DLX2: variants seen among roughly 807,000 people sequenced by gnomAD.
DLX2 encodes the protein homeobox protein DLX-2.
In DLX2, 8 loss-of-function variants were observed where a neutral mutation model predicts 27.4. The ratio of observed to expected loss-of-function variants is 0.29; its 90% CI spans 0.17 to 0.53. DLX2 has a LOEUF of 0.53. Ranked by LOEUF, DLX2 falls within the 20% of genes least tolerant of loss-of-function variation. DLX2 has a pLI of 0.96. For synonymous variants in DLX2, 210 were observed against 200.8 expected (o/e 1.05, Z -0.39); for missense variants, 421 against 450.9 (o/e 0.93, Z 0.60).
At position 172,101,616 on chromosome 2, in the gene DLX2, A is replaced by G; in HGVS notation, c.431T>C (p.Ile144Thr). The G allele has an allele frequency of 6.2e-7, 1 of 1,614,222 alleles. No homozygotes were observed. Among genetic ancestry groups the G allele is most frequent in the Non-Finnish European group, 8.5e-7 (1 of 1,180,030 alleles). The change falls in exon 2 of 3, where the codon ATA becomes ACA. Residue 144 changes from isoleucine to threonine, a missense_variant. Ile to Thr is a moderately conservative substitution (Grantham distance 89). Transcript: ENST00000234198. The part of the protein sequence containing the change: ...EKEDLEPEIR[I>T]VNGKPKKVRK... ...GACTTTCTTTGGCTTCCCGTTCACT[A>G]TCCGAATTTCAGGCTCAAGGTCCTC...
At position 172,100,903 on chromosome 2, in the gene DLX2, C is replaced by T. The variant is rs1373237175; in HGVS notation, c.627G>A (p.Lys209=). 4 of 1,612,890 alleles carry T rather than the reference C, an allele frequency of 2.5e-6. No individual in the cohort carries two copies. The East Asian group carries it at 6.7e-5, about 27-fold the overall frequency. Residue 209 remains lysine (K), a synonymous_variant, in exon 3 of 3, where the codon AAG becomes AAA. Transcript: ENST00000234198. The surrounding 1 kb of genome is among the most constrained non-coding windows in gnomAD (Gnocchi z 4.5). Reference sequence around the variant, plus strand: ...AGGGGATCTCACCACTTTTCCACATCTTCTTGAACTTGGACCGGCGGTTCT... The same window carrying T: ...AGGGGATCTCACCACTTTTCCACATTTTCTTGAACTTGGACCGGCGGTTCT... ...WFQNRRSKFK[K]MWKSGEIPSE... is the part of the protein sequence containing the mutation.
chr2:172,100,739 C>T lies in DLX2; in HGVS notation c.791G>A (p.Ser264Asn). 5 of 1,548,472 alleles carry T rather than the reference C, an allele frequency of 3.2e-6. No individual in the cohort carries two copies. The highest frequency in any genetic ancestry group is 3.5e-6 in the Non-Finnish European group (4 of 1,151,912). ...CGCGCTGCTCGGGCTGGAGCCCGAG[C>T]TGCCGGCGCCGCTGCCGCCACTGCC... The part of the protein sequence containing the change: ...GPGSGGSGAG[S>N]SGSSPSSAAS... Residue 264 changes from serine to asparagine, a missense_variant, in exon 3 of 3, where the codon AGC becomes AAC. Physicochemically the swap from Ser to Asn is conservative, Grantham distance 46. Around this residue, in one of 5 missense-constraint regions of DLX2, gnomAD observed 185 missense variants for 171.1 expected, o/e 1.08. Transcript: ENST00000234198. This position sits in a 1 kb window ranked among gnomAD's most constrained non-coding sequence, Gnocchi z 4.5.
At chr2:172,102,110 G>C in intron 1 of DLX2, 29 bp downstream of exon 1, 4 of 1,599,750 alleles carry the variant, frequency 2.5e-6, no homozygotes, top group East Asian at 2.2e-5. Context: ...AGACCGACTC[G>C]GCACTCTTGA....
Position 172,100,433 on chromosome 2 carries a change from G to T in DLX2, c.*110C>A. The T allele has an allele frequency of 7.9e-7, 1 of 1,263,968 alleles. No homozygotes were observed. The highest frequency in any genetic ancestry group is 1.1e-6 in the Non-Finnish European group (1 of 939,352). 78.3% of individuals were successfully genotyped at this position (1,263,968 alleles called of 1,614,324 possible). A position where few individuals can be genotyped will look rare whatever the true frequency, so the allele number is the denominator to read the frequency against. On this transcript the variant is annotated 3_prime_UTR_variant, in exon 3 of 3. Transcript: ENST00000234198. The surrounding 1 kb of genome is among the most constrained non-coding windows in gnomAD (Gnocchi z 4.5). The stretch of plus-strand genomic sequence containing the variant: ...GACGGGCCACTGCAGGTCGCAGCCT[G>T]CAGGAGAGGTGGGTGGCGGCAGCGG...
At chr2:172,101,732 G>C (rs1691161537) in intron 1 of DLX2, 86 bp from the exon 2 acceptor site, 1 of 1,434,002 alleles carries the variant, frequency 7.0e-7, no homozygotes, top group African/African-American at 1.4e-5. Flanking sequence ...GGGGGGACTT[G>C]GCTTGAGCAA....
chr2:172,100,251 A>C lies in DLX2; in HGVS notation c.*292T>G. On this transcript the variant is annotated 3_prime_UTR_variant, in exon 3 of 3. Transcript: ENST00000234198. This position sits in a 1 kb window ranked among gnomAD's most constrained non-coding sequence, Gnocchi z 4.5. The stretch of plus-strand genomic sequence containing the variant: ...GAAGGCGCCAGACAGGCTCACCCGG[A>C]GGGGAGGGAAGGCAAGTCCGAGGCG... 2.9e-6 allele frequency: 1 copy of C among 343,164 alleles called. No individual in the cohort carries two copies. Among genetic ancestry groups the C allele is most frequent in the Non-Finnish European group, 5.2e-6 (1 of 191,214 alleles). The allele number at this position is 343,164 out of a possible 1,614,324, so 21.3% of individuals were successfully genotyped here.
At position 172,100,516 on chromosome 2, in the gene DLX2, TC is replaced by T; in HGVS notation, c.*26del. 1 of 1,531,698 alleles carries T rather than the reference TC, an allele frequency of 6.5e-7. No individual in the cohort carries two copies. Among genetic ancestry groups the T allele is most frequent in the Non-Finnish European group, 8.7e-7 (1 of 1,146,994 alleles). 94.9% of individuals were successfully genotyped at this position (1,531,698 alleles called of 1,614,324 possible). ...CAATGAGGATAAGTGGTCTCTGCTC[TC>T]AGTCTCTGGCGAGTTCTCCCTGGGG... On this transcript the variant is annotated 3_prime_UTR_variant, in exon 3 of 3. Coordinates refer to ENST00000234198, the MANE Select transcript of DLX2 (RefSeq NM_004405.4). The surrounding 1 kb of genome is among the most constrained non-coding windows in gnomAD (Gnocchi z 4.5).
intron 2 of DLX2, 57 bp downstream of exon 2, chr2:172,101,405 G>A: frequency 6.6e-7 from 1 of 1,506,964 alleles, no homozygotes. Flanking sequence ...AAACCCGCCT[G>A]CTTCCCAGCC....
rs1260289204 is a variant in DLX2, at chr2:172,102,449, CG to C, written c.89del (p.Pro30ArgfsTer115). ...CACCCGGGCCGGCGCCGCCGCCGCT[CG>C]GGGGCTGCTGGTGCTGGTGGTACGT... ...SSTYHQHQQP[P>X]SGGGAGPGGN... On this transcript the variant is annotated frameshift_variant, in exon 1 of 3. Transcript: ENST00000234198. LOFTEE classifies it high-confidence loss of function. The C allele has an allele frequency of 1.3e-6, 2 of 1,549,540 alleles. No individual in the cohort carries two copies. Among genetic ancestry groups the C allele is most frequent in the Non-Finnish European group, 1.7e-6 (2 of 1,146,516 alleles).
chr2:172,100,256 A>T lies in DLX2; in HGVS notation c.*287T>A, dbSNP rs1691128177. 5.7e-6 allele frequency: 2 copies of T among 349,048 alleles called. No individual in the cohort carries two copies. Among genetic ancestry groups the T allele is most frequent in the Non-Finnish European group, 5.1e-6 (1 of 195,078 alleles). The allele number at this position is 349,048 out of a possible 1,614,324, so 21.6% of individuals were successfully genotyped here. On this transcript the variant is annotated 3_prime_UTR_variant, in exon 3 of 3. Transcript: ENST00000234198. This position sits in a 1 kb window ranked among gnomAD's most constrained non-coding sequence, Gnocchi z 4.5. ...CGCCAGACAGGCTCACCCGGAGGGG[A>T]GGGAAGGCAAGTCCGAGGCGGGGCT...
In DLX2 at chr2:172,101,497, C is replaced by T; in HGVS notation, c.550G>A (p.Glu184Lys). The T allele has an allele frequency of 1.9e-6, 3 of 1,610,732 alleles. No homozygotes were observed. Among genetic ancestry groups the T allele is most frequent in the Non-Finnish European group, 2.5e-6 (3 of 1,178,372 alleles). ...GTGAGGCCCAGAGAGGCCGCCAGCT[C>T]GGCTCGCTCCGGCAAGGCCAAGTAT... ...TQYLALPERA[E>K]LAASLGLTQT... is the part of the protein sequence containing the mutation. The change falls in exon 2 of 3, where the codon GAG (glutamate) becomes AAG (lysine). Residue 184 changes from glutamate to lysine, a missense_variant. Around this residue, in one of 5 missense-constraint regions of DLX2, gnomAD observed 36 missense variants for 73.6 expected, o/e 0.49. Transcript: ENST00000234198.
At position 172,102,334 on chromosome 2, in the gene DLX2, T is replaced by C. The variant is rs1238786067; in HGVS notation, c.205A>G (p.Asn69Asp). ...STATDSSYYT[N>D]QQHPAGGGGG... ...CCGCCGCCCGCCGGGTGCTGCTGGT[T>C]GGTGTAGTAGCTGCTGTCGGTGGCG... Residue 69 changes from asparagine (N) to aspartate (D), a missense_variant, in exon 1 of 3, where the codon AAC becomes GAC. By Grantham distance (23) the Asn-to-Asp change is conservative. Transcript: ENST00000234198. 6.2e-7 allele frequency: 1 copy of C among 1,601,058 alleles called. No individual in the cohort carries two copies. Among genetic ancestry groups the C allele is most frequent in the Non-Finnish European group, 8.5e-7 (1 of 1,174,054 alleles).
chr2:172,100,778 C>A lies in DLX2; in HGVS notation c.752G>T (p.Gly251Val), dbSNP rs550538048. Residue 251 changes from glycine to valine, a missense_variant, in exon 3 of 3, where the codon GGC becomes GTC. Physicochemically the swap from Gly to Val is moderately radical, Grantham distance 109. This residue lies in a region of DLX2 where 185 missense variants were observed against 171.1 expected (regional missense o/e 1.08). Transcript: ENST00000234198. The surrounding 1 kb of genome is among the most constrained non-coding windows in gnomAD (Gnocchi z 4.5). Reference protein sequence around the residue: ...WDFGVPQRMAGGGGPGSGGSG... With the variant: ...WDFGVPQRMAVGGGPGSGGSG... ...GCCGCCACTGCCCGGACCACCGCCG[C>A]CCGCCATCCGCTGCGGCACACCAAA... The A allele has an allele frequency of 6.3e-7, 1 of 1,584,778 alleles. No homozygotes were observed. The highest frequency in any genetic ancestry group is 1.1e-5 in the South Asian group (1 of 88,800).
At chr2:172,101,423 G>A (rs1691155345) in intron 2 of DLX2, 39 bp downstream of exon 2, 2 of 1,557,526 alleles carry the variant, frequency 1.3e-6, no homozygotes, top group East Asian at 4.8e-5. Flanking sequence ...GCCATCTCAG[G>A]CCCGCGCTCT....
In DLX2 at chr2:172,102,485, G is replaced by C; in HGVS notation, c.54C>G (p.Ala18=). 1 of 1,549,302 alleles carries C rather than the reference G, an allele frequency of 6.5e-7. No homozygotes were observed. Among genetic ancestry groups the C allele is most frequent in the Non-Finnish European group, 8.7e-7 (1 of 1,146,610 alleles). Residue 18 remains alanine (A), a synonymous_variant, in exon 1 of 3, where the codon GCC becomes GCG. Coordinates refer to ENST00000234198, the MANE Select transcript of DLX2 (RefSeq NM_004405.4). The part of the protein sequence containing the change: ...LVADMHSTQI[A]ASSTYHQHQQ... The stretch of plus-strand genomic sequence containing the variant: ...GGTGCTGGTGGTACGTGCTGGAGGC[G>C]GCGATCTGGGTCGAGTGCATATCAG...
At position 172,101,510 on chromosome 2, in the gene DLX2, C is replaced by T. The variant is rs755198514; in HGVS notation, c.537G>A (p.Leu179=). ...RRFQKTQYLA[L]PERAELAASL... is the part of the protein sequence containing the mutation. ...AGGCCGCCAGCTCGGCTCGCTCCGG[C>T]AAGGCCAAGTATTGAGTCTTTTGGA... Residue 179 remains leucine (L), a synonymous_variant, in exon 2 of 3, where the codon TTG becomes TTA. Coordinates refer to ENST00000234198, the MANE Select transcript of DLX2 (RefSeq NM_004405.4). 1.2e-6 allele frequency: 2 copies of T among 1,612,946 alleles called. No individual in the cohort carries two copies. Among genetic ancestry groups the T allele is most frequent in the East Asian group, 4.5e-5 (2 of 44,880 alleles).
In DLX2 at chr2:172,100,411, G is replaced by T. The variant is rs1033018202; in HGVS notation, c.*132C>A. ...CCCGGGAGTGAGCAGGGCCTGAGAC[G>T]GGCCACTGCAGGTCGCAGCCTGCAG... On this transcript the variant is annotated 3_prime_UTR_variant, in exon 3 of 3. Coordinates refer to ENST00000234198, the MANE Select transcript of DLX2 (RefSeq NM_004405.4). This position sits in a 1 kb window ranked among gnomAD's most constrained non-coding sequence, Gnocchi z 4.5. The T allele has an allele frequency of 4.0e-6, 4 of 1,002,836 alleles. No homozygotes were observed. The highest frequency in any genetic ancestry group is 5.6e-6 in the Non-Finnish European group (4 of 720,062). 62.1% of individuals were successfully genotyped at this position (1,002,836 alleles called of 1,614,324 possible).
rs1691117337 is a variant in DLX2 at position 172,099,697 on chromosome 2, AGAT to A, written c.*843_*845del. On this transcript the variant is annotated 3_prime_UTR_variant, in exon 3 of 3. Coordinates refer to ENST00000234198, the MANE Select transcript of DLX2 (RefSeq NM_004405.4). ...TGGGGGTTTACAAAAAAGTCTGAAA[AGAT>A]GAGTATTTTTATACAAATAAATCAG... The A allele has an allele frequency of 6.6e-6, 1 of 152,644 alleles. No homozygotes were observed. The highest frequency in any genetic ancestry group is 2.1e-4 in the South Asian group (1 of 4,836). The allele number at this position is 152,644 out of a possible 1,614,324, so 9.5% of individuals were successfully genotyped here.
intron 1 of DLX2, among the ~76,000 whole-genome samples, 167 bp from the exon 2 acceptor site, chr2:172,101,813 C>A (rs962413942): frequency 6.6e-6 from 1 of 152,232 alleles, no homozygotes; most frequent in Non-Finnish European, 1.5e-5. Flanking sequence ...GAGCCGCCAC[C>A]GACCCCGGGA....
Sources: allele counts gnomAD v4.1 joint callset (sites outside exome capture counted in the v4.1 genomes callset), GRCh38; gene constraint gnomAD v4.1.1; regional missense constraint gnomAD v4.1.1; non-coding constraint Gnocchi (gnomAD v3.1); transcripts MANE v1.5; gene names NCBI Gene and HGNC (gene_info 2026-07-23, HGNC 2026-07-21).